CWC27: variants seen among roughly 807,000 people sequenced by gnomAD.
CWC27 encodes the protein CWC27 spliceosome associated cyclophilin.
Under a neutral mutation model 63.6 loss-of-function variants are expected in CWC27, and 47 were observed. The observed-to-expected ratio is 0.74, with a 90% CI of 0.58 to 0.94. The LOEUF is 0.94. Ranked by LOEUF, CWC27 falls within the 40% of genes least tolerant of loss-of-function variation. The pLI, the probability that CWC27 is intolerant of heterozygous loss-of-function variation, is 0.00. For synonymous variants in CWC27, 175 were observed against 179.8 expected, an observed-to-expected ratio of 0.97 and a Z score of 0.22; for missense variants, 495 against 554.3, an observed-to-expected ratio of 0.89 and a Z score of 1.07.
chr5:64,912,796 A>G (rs765151733), intron 11 of CWC27, among the ~76,000 whole-genome samples: 11 of 152,186 alleles, frequency 7.2e-5, no homozygotes, highest in Non-Finnish European at 1.5e-4. Flanking sequence ...CTAAGAAGAA[A>G]TAGGATTCTG....
chr5:64,804,138 T>C, intron 9 of CWC27, 91 bp from the exon 10 acceptor site: 1 of 1,117,826 alleles, frequency 8.9e-7, no homozygotes, highest in Non-Finnish European at 1.2e-6. Flanking sequence ...TAGTTTAGAA[T>C]GCAATAAGGA....
intron 11 of CWC27, among the ~76,000 whole-genome samples, chr5:64,927,453 G>A (rs924908564): frequency 2.0e-5 from 3 of 151,984 alleles, no homozygotes; most frequent in Non-Finnish European, 4.4e-5. Flanking sequence ...TTCTGAAAAG[G>A]CCATATAACA....
In CWC27 at chr5:64,804,353, AAGG is replaced by A. The variant is rs764283583; in HGVS notation, c.908_910del (p.Gly303del). 387 of 1,612,738 alleles carry A rather than the reference AAGG, an allele frequency of 2.4e-4. 1 individual carries two copies. Among genetic ancestry groups the A allele is most frequent in the African/African-American group, 9.2e-4 (69 of 74,986 alleles). On this transcript the variant is annotated inframe_deletion, in exon 10 of 14. Transcript: ENST00000381070. ...AGTGCGAATGTTAAATCAGCTGGAGAAGGAGAAGTGGAGAAGAAATCAGTCAGC... is the reference window on the plus strand; with the variant it reads ...AGTGCGAATGTTAAATCAGCTGGAGAAGAAGTGGAGAAGAAATCAGTCAGC...
intron 10 of CWC27, among the ~76,000 whole-genome samples, chr5:64,807,178 T>C (rs1025821094): frequency 1.3e-5 from 2 of 152,176 alleles, no homozygotes; most frequent in Non-Finnish European, 2.9e-5. Context: ...GATCAGAAAC[T>C]AGACTAGCCC....
In CWC27 at chr5:64,794,878, A is replaced by G. The variant is rs368770442; in HGVS notation, c.670-5370A>G. ...CAAGTTAAAGCTTACAATCAAGATA[A>G]CTAGTTTTTATGAGGTAAGTTAAAC... On this transcript the variant is annotated intron_variant, in intron 7 of 13. Coordinates refer to ENST00000381070, the MANE Select transcript of CWC27 (RefSeq NM_005869.4). Among the ~76,000 whole-genome samples, 9 of 152,312 alleles carry G rather than the reference A, an allele frequency of 5.9e-5. No individual in the cohort carries two copies. The East Asian group carries it at 7.7e-4, about 13-fold the overall frequency.
chr5:64,937,196 C>T (rs1017618427), intron 11 of CWC27, among the ~76,000 whole-genome samples: 2 of 151,980 alleles, frequency 1.3e-5, no homozygotes, highest in African/African-American at 4.8e-5. Context: ...GTTATGGTGT[C>T]GATTTTAGAT....
intron 7 of CWC27, among the ~76,000 whole-genome samples, chr5:64,793,709 T>C (rs1370415721): frequency 6.6e-6 from 1 of 152,194 alleles, no homozygotes; most frequent in East Asian, 1.9e-4. Flanking sequence ...TGCATGAAAT[T>C]AAATATTTCT....
At chr5:64,984,974 A>G (rs1004868127) in intron 13 of CWC27, among the ~76,000 whole-genome samples, 1 of 152,196 alleles carries the variant, frequency 6.6e-6, no homozygotes, top group African/African-American at 2.4e-5. Context: ...TGTATAAGGT[A>G]TGAAGTTTAG....
chr5:64,898,203 G>A (rs1253488847), intron 11 of CWC27, among the ~76,000 whole-genome samples: 1 of 152,150 alleles, frequency 6.6e-6, no homozygotes, highest in African/African-American at 2.4e-5. Context: ...TTAGGAATTA[G>A]AGTTACTGAT....
chr5:64,880,322 G>T (rs1349207064), intron 10 of CWC27, among the ~76,000 whole-genome samples: 1 of 151,938 alleles, frequency 6.6e-6, no homozygotes, highest in Non-Finnish European at 1.5e-5. Flanking sequence ...CTGGAGTTCA[G>T]ATAGTCACAT....
intron 2 of CWC27, 131 bp from the exon 3 acceptor site, chr5:64,781,790 A>G: frequency 4.3e-6 from 2 of 469,596 alleles, no homozygotes; most frequent in South Asian, 1.1e-4. Flanking sequence ...AGGAGGATAC[A>G]AAAGGTTTTG....
At chr5:64,893,380 C>G (rs1163452864) in intron 11 of CWC27, among the ~76,000 whole-genome samples, 2 of 152,182 alleles carry the variant, frequency 1.3e-5, no homozygotes, top group Non-Finnish European at 2.9e-5. Context: ...CTTTTCACAA[C>G]TTTATAGTGT....
intron 7 of CWC27, among the ~76,000 whole-genome samples, chr5:64,791,834 G>A (rs1339059147): frequency 9.2e-5 from 14 of 152,048 alleles, no homozygotes. Flanking sequence ...TCCAAAGAAG[G>A]TCTTTAGATT....
At chr5:64,793,652 A>G (rs1382309043) in intron 7 of CWC27, among the ~76,000 whole-genome samples, 3 of 152,194 alleles carry the variant, frequency 2.0e-5, no homozygotes, top group Non-Finnish European at 2.9e-5. Context: ...CCAAAGCCAA[A>G]TAAGTGTCTG....
At chr5:64,985,764 C>G (rs1249833161) in intron 13 of CWC27, among the ~76,000 whole-genome samples, 1 of 152,170 alleles carries the variant, frequency 6.6e-6, no homozygotes, top group Non-Finnish European at 1.5e-5. Context: ...ACTGCTCTGG[C>G]TAAGACTTCC....
chr5:64,848,494 A>G (rs1157270818), intron 10 of CWC27, among the ~76,000 whole-genome samples: 4 of 152,222 alleles, frequency 2.6e-5, no homozygotes, highest in Non-Finnish European at 1.5e-5. Context: ...TTATGAGTCC[A>G]GCATTGCTGT....
intron 3 of CWC27, among the ~76,000 whole-genome samples, chr5:64,783,598 G>GTAAC (rs1240419746): frequency 1.3e-5 from 2 of 152,204 alleles, no homozygotes; most frequent in Non-Finnish European, 2.9e-5. Context: ...TCCTTTAGAT[G>GTAAC]TAACTAAGCA....
At chr5:64,916,902 AG>A (rs1747900244) in intron 11 of CWC27, among the ~76,000 whole-genome samples, 1 of 151,210 alleles carries the variant, frequency 6.6e-6, no homozygotes, top group Non-Finnish European at 1.5e-5. Flanking sequence ...TAGTAGTAGT[AG>A]TAGTAGTAGT....
At chr5:64,954,300 G>C (rs1217910177) in intron 11 of CWC27, among the ~76,000 whole-genome samples, 1 of 151,938 alleles carries the variant, frequency 6.6e-6, no homozygotes. Context: ...TCCTTTGTTT[G>C]TTTTTTGAGA....
Sources: allele counts gnomAD v4.1 joint callset (sites outside exome capture counted in the v4.1 genomes callset), GRCh38; gene constraint gnomAD v4.1.1; transcripts MANE v1.5; gene names NCBI Gene and HGNC (gene_info 2026-07-23, HGNC 2026-07-21).